MAML1: variants seen among roughly 807,000 people sequenced by gnomAD.
MAML1 encodes the protein mastermind like transcriptional coactivator 1.
In MAML1, 14 loss-of-function variants were observed where a neutral mutation model predicts 77.1. That is an observed-to-expected ratio of 0.18 (90% confidence interval 0.12 to 0.28). The LOEUF (loss-of-function observed/expected upper bound fraction) is 0.28. Among genes scored for constraint, MAML1 ranks in the 10% least tolerant of loss-of-function variants. The pLI is 1.00. For missense variants in MAML1, 1,217 were observed against 1,327.8 expected (o/e 0.92, Z 1.30); for synonymous variants, 516 against 551.9 (o/e 0.93, Z 0.91).
intron 1 of MAML1, among the ~76,000 whole-genome samples, chr5:179,761,588 G>A (rs1430884074): frequency 6.6e-6 from 1 of 152,006 alleles, no homozygotes; most frequent in African/African-American, 2.4e-5. Context: ...CCCGCTGCTC[G>A]AGAGACTGAG....
chr5:179,744,126 A>G (rs1040093388), intron 1 of MAML1, among the ~76,000 whole-genome samples: 3 of 152,182 alleles, frequency 2.0e-5, no homozygotes, highest in Non-Finnish European at 4.4e-5. Flanking sequence ...ATATGTTTGG[A>G]AGCCTTTTAT....
Position 179,764,109 on chromosome 5 carries a change from G to A in MAML1, c.316-1217G>A, listed in dbSNP as rs1443472562. Among the ~76,000 whole-genome samples, 4 of 151,946 alleles carry A rather than the reference G, an allele frequency of 2.6e-5. No individual in the cohort carries two copies. In the East Asian group the frequency reaches 5.8e-4, roughly 22 times the overall value. ...TCTGACATGTTCTTATCTTGAAATC[G>A]CCGCCCCTGAACTCCCAGGGTACTT... is the stretch of plus-strand genomic sequence containing the variant. On this transcript the variant is annotated intron_variant, in intron 1 of 4. Transcript: ENST00000292599.
chr5:179,765,411 T>G lies in MAML1; in HGVS notation c.401T>G (p.Phe134Cys). The G allele has an allele frequency of 6.2e-7, 1 of 1,614,178 alleles. No individual in the cohort carries two copies. The highest frequency in any genetic ancestry group is 8.5e-7 in the Non-Finnish European group (1 of 1,180,014). The change falls in exon 2 of 5, where the codon TTT becomes TGT. Residue 134 changes from phenylalanine (F) to cysteine (C), a missense_variant. By Grantham distance (205) the Phe-to-Cys change is radical. This residue lies in a region of MAML1 where 312 missense variants were observed against 331.4 expected (regional missense o/e 0.94). Coordinates refer to ENST00000292599, the MANE Select transcript of MAML1 (RefSeq NM_014757.5). ...GDQQNGYGDL[F>C]PGHKKTRREA... ...CAACAGAATGGCTACGGGGACCTCT[T>G]TCCTGGGCATAAGAAGACTCGCCGG...
At position 179,733,274 on chromosome 5, in the gene MAML1, A is replaced by G. The variant is rs983082491; in HGVS notation, c.162A>G (p.Gln54=). The stretch of plus-strand genomic sequence containing the variant: ...CCGAGCGCCTGGAGCTGGAGCGCCA[A>G]CACACCTTCGCCCTGCACCAGCGCT... ...VSPERLELER[Q]HTFALHQRCI... is the part of the protein sequence containing the mutation. Residue 54 remains glutamine, a synonymous_variant, in exon 1 of 5, where the codon CAA becomes CAG. Coordinates refer to ENST00000292599, the MANE Select transcript of MAML1 (RefSeq NM_014757.5). 18 of 1,460,674 alleles carry G rather than the reference A, an allele frequency of 1.2e-5. No homozygotes were observed. The highest frequency in any genetic ancestry group is 4.6e-5 in the Admixed American group (2 of 43,244). The allele number at this position is 1,460,674 out of a possible 1,614,324, so 90.5% of individuals were successfully genotyped here.
chr5:179,770,838 A>G (rs1216776487), intron 3 of MAML1: 2 of 273,354 alleles, frequency 7.3e-6, no homozygotes, highest in African/African-American at 4.4e-5. Context: ...ATCCTCACCA[A>G]CCACTTGTTA....
chr5:179,777,138 A>C lies in MAML1; in HGVS notation c.*2261A>C. The C allele has an allele frequency of 1.0e-6, 1 of 985,622 alleles. No homozygotes were observed. The highest frequency in any genetic ancestry group is 1.2e-6 in the Non-Finnish European group (1 of 829,778). The allele number at this position is 985,622 out of a possible 1,614,324, so 61.1% of individuals were successfully genotyped here. On this transcript the variant is annotated 3_prime_UTR_variant, in exon 5 of 5. Transcript: ENST00000292599. ...TTTATGGCAAACGGTTGGTATTGTT[A>C]ACTTTTTATTGTCATCAAAAGTTCA...
At chr5:179,741,548 C>T (rs535497276) in intron 1 of MAML1, among the ~76,000 whole-genome samples, 4 of 151,934 alleles carry the variant, frequency 2.6e-5, no homozygotes, top group Middle Eastern at 3.4e-3. Flanking sequence ...TAGCCGGGCA[C>T]GGTAGCATAC....
Position 179,752,354 on chromosome 5 carries a change from T to TATATAC in MAML1, c.316-12967_316-12966insCATATA, listed in dbSNP as rs1331983054. Reference sequence around the variant, plus strand: ...AAAAAAAAAAAAAAAAAAAAAAATATATATATATATATGGTTAAATAACAT... The same window carrying TATATAC: ...AAAAAAAAAAAAAAAAAAAAAAATATATATACATATATATATATGGTTAAATAACAT... On this transcript the variant is annotated intron_variant, in intron 1 of 4. Coordinates refer to ENST00000292599, the MANE Select transcript of MAML1 (RefSeq NM_014757.5). Among the ~76,000 whole-genome samples the TATATAC allele has an allele frequency of 1.4e-3, 171 of 125,102 alleles. 7 individuals carry two copies. The highest frequency in any genetic ancestry group is 1.7e-3 in the Non-Finnish European group (104 of 61,672). 82.1% of individuals were successfully genotyped at this position (125,102 alleles called of 152,430 possible). A position where few individuals can be genotyped will look rare whatever the true frequency, so the allele number is the denominator to read the frequency against.
chr5:179,733,149 C>A lies in MAML1; in HGVS notation c.37C>A (p.Leu13Met). The change falls in exon 1 of 5, where the codon CTG becomes ATG. Residue 13 changes from leucine to methionine, a missense_variant. Physicochemically the swap from Leu to Met is conservative, Grantham distance 15. Around this residue, in one of 3 missense-constraint regions of MAML1, gnomAD observed 312 missense variants for 331.4 expected, o/e 0.94. Coordinates refer to ENST00000292599, the MANE Select transcript of MAML1 (RefSeq NM_014757.5). ...CACCTGCCCCATGGCGGAGTTCGCG[C>A]TGCCGCGGCACAGCGCGGTCATGGA... ...LPTCPMAEFALPRHSAVMERL... is the reference protein window; with the variant it reads ...LPTCPMAEFAMPRHSAVMERL... 6.9e-7 allele frequency: 1 copy of A among 1,452,728 alleles called. No individual in the cohort carries two copies. The highest frequency in any genetic ancestry group is 9.0e-7 in the Non-Finnish European group (1 of 1,105,568). The allele number at this position is 1,452,728 out of a possible 1,614,324, so 90.0% of individuals were successfully genotyped here. A position where few individuals can be genotyped will look rare whatever the true frequency, so the allele number is the denominator to read the frequency against.
In MAML1 at chr5:179,766,465, C is replaced by A. The variant is rs749713485; in HGVS notation, c.1455C>A (p.Ser485Arg). 6.2e-7 allele frequency: 1 copy of A among 1,611,302 alleles called. No homozygotes were observed. Among genetic ancestry groups the A allele is most frequent in the South Asian group, 1.1e-5 (1 of 90,690 alleles). ...PRPGGPYLQP[S>R]HVNLLSHQPP... ...CCGGAGGCCCCTACCTCCAGCCCAG[C>A]CATGTGAACCTGCTGAGTCACCAGC... Residue 485 changes from serine (S) to arginine (R), a missense_variant, in exon 2 of 5, where the codon AGC becomes AGA. Transcript: ENST00000292599. The surrounding 1 kb of genome is among the most constrained non-coding windows in gnomAD (Gnocchi z 4.0).
At chr5:179,750,607 T>G (rs940846208) in intron 1 of MAML1, among the ~76,000 whole-genome samples, 3 of 151,998 alleles carry the variant, frequency 2.0e-5, no homozygotes, top group African/African-American at 7.2e-5. Context: ...ATTACAGGTA[T>G]GAGCCACCAT....
In MAML1 at chr5:179,775,972, AC is replaced by A. The variant is rs750158319; in HGVS notation, c.*1096del. ...GGAAGCAATTCCACTTGGTTTGACAACTTCTGCCACTCCCATGTCAGATGAC... is the reference window on the plus strand; with the variant it reads ...GGAAGCAATTCCACTTGGTTTGACAATTCTGCCACTCCCATGTCAGATGAC... On this transcript the variant is annotated 3_prime_UTR_variant, in exon 5 of 5. Coordinates refer to ENST00000292599, the MANE Select transcript of MAML1 (RefSeq NM_014757.5). 90 of 985,644 alleles carry A rather than the reference AC, an allele frequency of 9.1e-5. No homozygotes were observed. Among genetic ancestry groups the A allele is most frequent in the Non-Finnish European group, 1.1e-4 (88 of 829,944 alleles). 61.1% of individuals were successfully genotyped at this position (985,644 alleles called of 1,614,324 possible).
intron 1 of MAML1, among the ~76,000 whole-genome samples, chr5:179,763,001 T>C (rs1445703437): frequency 3.3e-5 from 5 of 152,224 alleles, no homozygotes; most frequent in Non-Finnish European, 5.9e-5. Flanking sequence ...GCTTTTGTAA[T>C]TGTTAGGGCA....
At chr5:179,768,736 C>A in intron 2 of MAML1, 114 bp from the exon 3 acceptor site, 1 of 1,349,534 alleles carries the variant, frequency 7.4e-7, no homozygotes, top group Non-Finnish European at 1.0e-6. Flanking sequence ...TATTCGAGGT[C>A]AGAAGGGAAG....
At chr5:179,749,728 A>C (rs1779450900) in intron 1 of MAML1, among the ~76,000 whole-genome samples, 1 of 152,146 alleles carries the variant, frequency 6.6e-6, no homozygotes, top group South Asian at 2.1e-4. Context: ...GATGGCGAGA[A>C]GTGATCCTAG....
At chr5:179,752,405 CAAAA>C (rs1166873966) in intron 1 of MAML1, among the ~76,000 whole-genome samples, 2 of 138,780 alleles carry the variant, frequency 1.4e-5, no homozygotes, top group South Asian at 2.3e-4. Flanking sequence ...GATTTTTTCT[CAAAA>C]AATACTGATT....
chr5:179,744,762 C>T (rs949670105), intron 1 of MAML1, among the ~76,000 whole-genome samples: 2 of 152,104 alleles, frequency 1.3e-5, no homozygotes, highest in South Asian at 2.1e-4. Context: ...TAATCCACCG[C>T]GCCCAGCTGC....
intron 1 of MAML1, among the ~76,000 whole-genome samples, chr5:179,737,845 A>G (rs908324313): frequency 1.6e-4 from 24 of 152,288 alleles, no homozygotes; most frequent in African/African-American, 5.5e-4. Flanking sequence ...GTCTGGCTCT[A>G]TCACCCAGTG....
intron 1 of MAML1, among the ~76,000 whole-genome samples, chr5:179,746,230 C>T (rs947784554): frequency 6.6e-6 from 1 of 151,806 alleles, no homozygotes; most frequent in African/African-American, 2.4e-5. Context: ...CCTGTAATCC[C>T]AGCAACTTGG....
Sources: gnomAD v4.1 joint callset for allele counts (sites outside exome capture counted in the v4.1 genomes callset) on GRCh38, gnomAD v4.1.1 for gene constraint, gnomAD v4.1.1 regional missense constraint, Gnocchi (gnomAD v3.1) non-coding constraint, MANE v1.5 for transcripts, NCBI Gene and HGNC (gene_info 2026-07-23, HGNC 2026-07-21) for gene names.